The following GALM variants were observed in gnomAD, a reference collection of about 807,000 sequenced individuals.
GALM encodes aldose 1-epimerase.
GALM carries 43 observed loss-of-function variants against 37.4 expected under a neutral mutation model. The observed-to-expected ratio is 1.15, with a 90% confidence interval of 0.90 to 1.48. The LOEUF (loss-of-function observed/expected upper bound fraction) is 1.48. GALM is among the 40% of genes most tolerant of loss of function. GALM has a pLI of 0.00. For synonymous variants in GALM, 199 were observed against 170.6 expected, an observed-to-expected ratio of 1.17 and a Z score of -1.30; for missense variants, 456 against 419.1, an observed-to-expected ratio of 1.09 and a Z score of -0.77.
chr2:38,714,004 T>C (rs1294126095), intron 4 of GALM, among the ~76,000 whole-genome samples: 1 of 152,006 alleles, frequency 6.6e-6, no homozygotes, highest in Non-Finnish European at 1.5e-5. Context: ...ACCTTATTGG[T>C]TGTGACAACT....
chr2:38,666,904 G>T (rs1429448352), intron 1 of GALM, among the ~76,000 whole-genome samples: 2 of 152,122 alleles, frequency 1.3e-5, no homozygotes, highest in Non-Finnish European at 2.9e-5. Context: ...GACCAACTCA[G>T]TGTCTTCTCA....
intron 1 of GALM, chr2:38,668,677 C>T (rs748416673): frequency 1.3e-5 from 2 of 151,976 alleles, no homozygotes; most frequent in African/African-American, 4.8e-5. Context: ...TGGCTCACAC[C>T]TGTAATCCTA....
intron 4 of GALM, among the ~76,000 whole-genome samples, chr2:38,717,016 C>G (rs1209164372): frequency 6.6e-6 from 1 of 152,076 alleles, no homozygotes; most frequent in Non-Finnish European, 1.5e-5. Flanking sequence ...TTTGGGAGGC[C>G]GAGGCAGGCG....
chr2:38,681,542 G>A (rs1665397430), intron 3 of GALM, 56 bp downstream of exon 3: 1 of 1,428,076 alleles, frequency 7.0e-7, no homozygotes, highest in Non-Finnish European at 9.9e-7. Flanking sequence ...GTCCTGGGCT[G>A]TGGCTAGAGA....
chr2:38,725,760 G>A (rs765545731), intron 4 of GALM, among the ~76,000 whole-genome samples: 22 of 151,468 alleles, frequency 1.5e-4, no homozygotes, highest in Non-Finnish European at 2.2e-4. Context: ...CACTCTGTCT[G>A]GAGTGCAGTG....
intron 4 of GALM, among the ~76,000 whole-genome samples, chr2:38,727,970 G>A (rs941326119): frequency 1.3e-5 from 2 of 152,092 alleles, no homozygotes; most frequent in African/African-American, 4.8e-5. Context: ...GATTACAGTG[G>A]AAGCCAAGTT....
intron 6 of GALM, 43 bp downstream of exon 6, chr2:38,731,952 G>A (rs773134389): frequency 6.6e-7 from 1 of 1,508,408 alleles, no homozygotes; most frequent in Non-Finnish European, 9.2e-7. Context: ...TTGTGTCCAA[G>A]GTCACACTGT....
At chr2:38,698,663 T>A (rs1665858902) in intron 4 of GALM, among the ~76,000 whole-genome samples, 1 of 152,164 alleles carries the variant, frequency 6.6e-6, no homozygotes, top group Non-Finnish European at 1.5e-5. Context: ...TTCCCAGAAG[T>A]AGAACTCCCT....
chr2:38,674,806 G>A (rs1449026695), intron 1 of GALM, among the ~76,000 whole-genome samples: 7 of 152,180 alleles, frequency 4.6e-5, no homozygotes, highest in African/African-American at 1.7e-4. Flanking sequence ...CCATAGTTTT[G>A]CTTCCTGCAG....
rs7565969 is a variant in GALM at position 38,671,951 on chromosome 2, A to G, written c.191-3961A>G. Among the ~76,000 whole-genome samples the G allele has an allele frequency of 5.7e-3, 872 of 152,134 alleles. 7 individuals carry two copies. Among genetic ancestry groups the G allele is most frequent in the African/African-American group, 0.02 (826 of 41,508 alleles). On this transcript the variant is annotated intron_variant, in intron 1 of 6. Transcript: ENST00000272252. The stretch of plus-strand genomic sequence containing the variant: ...CAATGAGCCGTGATGGCACCACTGC[A>G]CTCCAGCCTAGGTGACAGAGAAAGA...
At chr2:38,703,647 T>C (rs1228767702) in intron 4 of GALM, among the ~76,000 whole-genome samples, 1 of 152,148 alleles carries the variant, frequency 6.6e-6, no homozygotes, top group Non-Finnish European at 1.5e-5. Flanking sequence ...CAGATATTCT[T>C]AACTAGGGTT....
intron 4 of GALM, among the ~76,000 whole-genome samples, chr2:38,698,945 C>T (rs1665863647): frequency 6.6e-6 from 1 of 150,410 alleles, no homozygotes; most frequent in East Asian, 2.0e-4. Flanking sequence ...CAGAGTTTTG[C>T]TCTTGTTGCC....
intron 4 of GALM, among the ~76,000 whole-genome samples, chr2:38,726,814 T>G (rs975023152): frequency 1.3e-5 from 2 of 151,876 alleles, no homozygotes; most frequent in African/African-American, 4.8e-5. Flanking sequence ...AAGAATCGCT[T>G]GAACCTGGGA....
chr2:38,677,175 T>C (rs1346451808), intron 2 of GALM, among the ~76,000 whole-genome samples: 1 of 152,238 alleles, frequency 6.6e-6, no homozygotes, highest in Admixed American at 6.5e-5. Context: ...CAGTGATTGC[T>C]CTCTTACTAG....
chr2:38,724,792 C>T (rs1301578128), intron 4 of GALM, among the ~76,000 whole-genome samples: 1 of 152,094 alleles, frequency 6.6e-6, no homozygotes, highest in African/African-American at 2.4e-5. Context: ...TTTATTTATG[C>T]CAGACTCCTG....
At position 38,689,916 on chromosome 2, in the gene GALM, G is replaced by T. The variant is rs1448390134; in HGVS notation, c.634+22G>T. 3 of 1,432,052 alleles carry T rather than the reference G, an allele frequency of 2.1e-6. No homozygotes were observed. In the Admixed American group the frequency reaches 5.5e-5, roughly 26 times the overall value. 88.7% of individuals were successfully genotyped at this position (1,432,052 alleles called of 1,614,324 possible). ...ACAGGTTGGTGAATTTAACCTTTTT[G>T]TGTTATGTGGGATCATGGATTGGCT... On this transcript the variant is annotated intron_variant, in intron 4 of 6. Coordinates refer to ENST00000272252, the MANE Select transcript of GALM (RefSeq NM_138801.3).
intron 2 of GALM, chr2:38,679,972 C>G (rs368307573): frequency 2.5e-5 from 11 of 442,828 alleles, no homozygotes; most frequent in African/African-American, 2.2e-4. Context: ...CTATGTTAAT[C>G]CAAGATTCCA....
At chr2:38,733,345 C>A in intron 6 of GALM, 143 bp from the exon 7 acceptor site, 1 of 736,584 alleles carries the variant, frequency 1.4e-6, no homozygotes, top group South Asian at 1.5e-5. Context: ...TTCTTTATCT[C>A]ACTATGAACC....
rs77428435 is a variant in GALM, at chr2:38,734,226, G to A, written c.*661G>A. ...ATCCTGGCTAACACGGTGAAACCCC[G>A]TCTCTACATAAAAAATTAGCTGGGT... On this transcript the variant is annotated 3_prime_UTR_variant, in exon 7 of 7. Transcript: ENST00000272252. 9.8e-3 allele frequency: 1,514 copies of A among 155,042 alleles called. 32 individuals are homozygous for A. The highest frequency in any genetic ancestry group is 0.035 in the African/African-American group (1,439 of 41,460). 9.6% of individuals were successfully genotyped at this position (155,042 alleles called of 1,614,324 possible).
Sources: gnomAD v4.1 joint callset for allele counts (sites outside exome capture counted in the v4.1 genomes callset) on GRCh38, gnomAD v4.1.1 for gene constraint, MANE v1.5 for transcripts, NCBI Gene and HGNC (gene_info 2026-07-23, HGNC 2026-07-21) for gene names.